The following KIF1B variants were observed in gnomAD, a reference collection of about 807,000 sequenced individuals.
KIF1B encodes the protein kinesin family member 1B.
In KIF1B, 76 loss-of-function variants were observed where a neutral mutation model predicts 241.9. The ratio of observed to expected loss-of-function variants is 0.31; its 90% CI spans 0.26 to 0.38. The LOEUF (loss-of-function observed/expected upper bound fraction) is 0.38. Among genes scored for constraint, KIF1B ranks in the 10% least tolerant of loss-of-function variants. The pLI is 1.00. For synonymous variants in KIF1B, 750 were observed against 796.7 expected, an observed-to-expected ratio of 0.94 and a Z score of 0.99; for missense variants, 1,622 against 2,271.4, an observed-to-expected ratio of 0.71 and a Z score of 5.81.
At chr1:10,277,787 C>T (rs1431132078) in intron 12 of KIF1B, among the ~76,000 whole-genome samples, 199 bp from the exon 13 acceptor site, 1 of 152,178 alleles carries the variant, frequency 6.6e-6, no homozygotes, top group African/African-American at 2.4e-5. Flanking sequence ...CCATTGTGAT[C>T]TTGGGCAAAT....
chr1:10,368,403 T>G, intron 43 of KIF1B, 64 bp from the exon 44 acceptor site: 1 of 1,412,620 alleles, frequency 7.1e-7, no homozygotes, highest in Non-Finnish European at 1.0e-6. Context: ...CGTGGTCAGC[T>G]ATCCCAAGGC....
intron 22 of KIF1B, among the ~76,000 whole-genome samples, chr1:10,314,692 TTACA>T (rs1651226107): frequency 6.6e-6 from 1 of 151,688 alleles, no homozygotes; most frequent in Middle Eastern, 3.2e-3. Flanking sequence ...AGTGCTGGGA[TTACA>T]GGCATGTGCC....
At chr1:10,307,530 G>A (rs562980434) in intron 22 of KIF1B, 12 of 594,636 alleles carry the variant, frequency 2.0e-5, no homozygotes, top group African/African-American at 1.0e-4. Flanking sequence ...GGCTGGTCTC[G>A]AATTCCTAAC....
At chr1:10,232,559 T>C in intron 2 of KIF1B, 125 bp downstream of exon 2, 2 of 722,950 alleles carry the variant, frequency 2.8e-6, no homozygotes, top group Non-Finnish European at 5.0e-6. Flanking sequence ...CTATTCTGAA[T>C]GATCCATTGA....
rs1651130109 is a variant in KIF1B, at chr1:10,312,921, T to G, written c.2116-7122T>G. 2.6e-5 allele frequency among the ~76,000 whole-genome samples: 4 copies of G among 151,670 alleles called. No homozygotes were observed. The South Asian group carries it at 8.3e-4, about 31-fold the overall frequency. On this transcript the variant is annotated intron_variant, in intron 22 of 48. Coordinates refer to ENST00000676179, the MANE Select transcript of KIF1B (RefSeq NM_001365951.3). ...TAGTAGGAGCACAAAAGGTATTTGC[T>G]GAGTGGATGGATGGATAATGGTTTA...
chr1:10,275,294 A>G (rs1649039944), intron 10 of KIF1B, 134 bp from the exon 11 acceptor site: 4 of 648,948 alleles, frequency 6.2e-6, no homozygotes, highest in Non-Finnish European at 1.1e-5. Context: ...AATTGAAACT[A>G]TGAATGATAA....
At chr1:10,319,893 C>T (rs1651455812) in intron 22 of KIF1B, 150 bp from the exon 23 acceptor site, 1 of 624,658 alleles carries the variant, frequency 1.6e-6, no homozygotes, top group African/African-American at 1.8e-5. Context: ...TAAACATTTC[C>T]CTGTATGTCT....
At chr1:10,211,128 C>A (rs1453366561) in intron 1 of KIF1B, among the ~76,000 whole-genome samples, 1 of 152,178 alleles carries the variant, frequency 6.6e-6, no homozygotes, top group African/African-American at 2.4e-5. Flanking sequence ...CCTCCGTTTC[C>A]CCCGCGCTGC....
At chr1:10,325,782 G>C (rs1038850268) in intron 26 of KIF1B, among the ~76,000 whole-genome samples, 2 of 152,120 alleles carry the variant, frequency 1.3e-5, no homozygotes, top group African/African-American at 4.8e-5. Context: ...TGTTGAGTGG[G>C]TCCTTTGAGG....
Position 10,303,303 on chromosome 1 carries a change from G to A in KIF1B, c.2115+6057G>A. ...AAAAATGTGGCCTCCCAAGCAGTGG[G>A]AAGAAACGTGAACCAATTAAAATGT... On this transcript the variant is annotated intron_variant, in intron 22 of 48. Coordinates refer to ENST00000676179, the MANE Select transcript of KIF1B (RefSeq NM_001365951.3). The surrounding 1 kb of genome is among the most constrained non-coding windows in gnomAD (Gnocchi z 5.2). 6.2e-7 allele frequency: 1 copy of A among 1,614,184 alleles called. No individual in the cohort carries two copies. The highest frequency in any genetic ancestry group is 8.5e-7 in the Non-Finnish European group (1 of 1,180,036).
intron 29 of KIF1B, 41 bp downstream of exon 29, chr1:10,336,783 G>A (rs750541492): frequency 4.5e-6 from 7 of 1,540,064 alleles, no homozygotes; most frequent in Non-Finnish European, 5.4e-6. Context: ...TGTGGAAAGA[G>A]AAAGAATGTT....
chr1:10,315,456 A>G (rs1319807056), intron 22 of KIF1B, among the ~76,000 whole-genome samples: 5 of 151,158 alleles, frequency 3.3e-5, no homozygotes, highest in African/African-American at 1.2e-4. Context: ...GATTACAGGC[A>G]TGAGCCACTG....
At chr1:10,367,063 C>A (rs1366999511) in intron 43 of KIF1B, among the ~76,000 whole-genome samples, 1 of 152,034 alleles carries the variant, frequency 6.6e-6, no homozygotes, top group Non-Finnish European at 1.5e-5. Flanking sequence ...ATCTTTATTA[C>A]AGTAATCTGA....
intron 7 of KIF1B, among the ~76,000 whole-genome samples, chr1:10,270,949 A>G (rs964087561): frequency 3.0e-4 from 45 of 151,712 alleles, no homozygotes; most frequent in African/African-American, 9.9e-4. Context: ...AAAGGAAAGA[A>G]AATAAATGTC....
Position 10,365,161 on chromosome 1 carries a change from G to A in KIF1B, c.4428G>A (p.Glu1476=), listed in dbSNP as rs1167221385. The A allele has an allele frequency of 1.9e-6, 3 of 1,614,098 alleles. No homozygotes were observed. Among genetic ancestry groups the A allele is most frequent in the Non-Finnish European group, 2.5e-6 (3 of 1,180,018 alleles). The change falls in exon 42 of 49, where the codon GAG becomes GAA. Residue 1476 remains glutamate (E), a synonymous_variant. Transcript: ENST00000676179. This position sits in a 1 kb window ranked among gnomAD's most constrained non-coding sequence, Gnocchi z 4.0. ...CAGTGGCATATGTGCGGGGAGAAGA[G>A]AACTTAGCAGGCTGGCGGCCCCGTG... The part of the protein sequence containing the change: ...DTSVAYVRGE[E]NLAGWRPRGD...
rs1319338839 is a variant in KIF1B at position 10,375,265 on chromosome 1, C to G, written c.5300C>G (p.Thr1767Ser). 2.7e-5 allele frequency: 43 copies of G among 1,612,962 alleles called. No homozygotes were observed. The highest frequency in any genetic ancestry group is 3.6e-5 in the Non-Finnish European group (43 of 1,178,988). ...GCATTTTTCTTTCAGACACCAAACA[C>G]CTTTGCTGTCTGCACAAAGCACCGT... ...DQQAMVKTPNTFAVCTKHRGV... is the reference protein window; with the variant it reads ...DQQAMVKTPNSFAVCTKHRGV... Residue 1767 changes from threonine to serine, a missense_variant, in exon 48 of 49, where the codon ACC becomes AGC. Thr to Ser is a moderately conservative substitution (Grantham distance 58). Transcript: ENST00000676179.
intron 35 of KIF1B, 93 bp downstream of exon 35, chr1:10,346,046 A>G (rs1171609982): frequency 9.7e-6 from 8 of 821,606 alleles, no homozygotes; most frequent in Non-Finnish European, 1.5e-5. Flanking sequence ...TTCATGAATC[A>G]TTGTCACTGT....
At chr1:10,238,856 C>A (rs1280646283) in intron 2 of KIF1B, among the ~76,000 whole-genome samples, 1 of 151,994 alleles carries the variant, frequency 6.6e-6, no homozygotes, top group Non-Finnish European at 1.5e-5. Context: ...GAATAATAAA[C>A]GAGAAAGAAA....
intron 22 of KIF1B, among the ~76,000 whole-genome samples, chr1:10,301,216 A>G (rs1304265368): frequency 6.6e-6 from 1 of 152,236 alleles, no homozygotes; most frequent in Non-Finnish European, 1.5e-5. Context: ...ACTATTTATC[A>G]GTTTCAAGCA....
Sources: allele counts gnomAD v4.1 joint callset (sites outside exome capture counted in the v4.1 genomes callset), GRCh38; gene constraint gnomAD v4.1.1; non-coding constraint Gnocchi (gnomAD v3.1); transcripts MANE v1.5; gene names NCBI Gene and HGNC (gene_info 2026-07-23, HGNC 2026-07-21).